Variants in FUT8 observed in about 807,000 individuals in gnomAD.
FUT8 encodes the protein alpha-(1,6)-fucosyltransferase.
A neutral mutation model predicts 71.3 loss-of-function variants in FUT8; 29 were observed. That is an observed-to-expected ratio of 0.41 (90% CI 0.30 to 0.55). The LOEUF is 0.55. Ranked by LOEUF, FUT8 falls within the 20% of genes least tolerant of loss-of-function variation. The pLI, the probability that FUT8 is intolerant of heterozygous loss-of-function variation, is 0.34. For synonymous variants in FUT8, 254 were observed against 239.3 expected, an observed-to-expected ratio of 1.06 and a Z score of -0.57; for missense variants, 544 against 702.1, an observed-to-expected ratio of 0.77 and a Z score of 2.55.
At chr14:65,709,817 A>G (rs1201086801) in intron 7 of FUT8, among the ~76,000 whole-genome samples, 1 of 152,152 alleles carries the variant, frequency 6.6e-6, no homozygotes, top group Non-Finnish European at 1.5e-5. Context: ...GACTTCTCTC[A>G]TGGTGTGGCC....
chr14:65,598,397 GT>G (rs1221316694), intron 3 of FUT8, among the ~76,000 whole-genome samples: 1 of 151,914 alleles, frequency 6.6e-6, no homozygotes, highest in Non-Finnish European at 1.5e-5. Flanking sequence ...TAAGTTTTGT[GT>G]TTTTAATAGA....
the FUT8 span, among the ~76,000 whole-genome samples, chr14:65,385,179 A>G: frequency 8.6e-5 from 13 of 152,004 alleles, no homozygotes; most frequent in Non-Finnish European, 1.3e-4. Flanking sequence ...GATTACAGGC[A>G]TGAGCCACCG....
chr14:65,524,364 GCTCT>G (rs1202663545), intron 2 of FUT8, among the ~76,000 whole-genome samples: 82 of 152,162 alleles, frequency 5.4e-4, no homozygotes, highest in Non-Finnish European at 1.3e-4. Flanking sequence ...CCATGATTTG[GCTCT>G]CTGTTTGTCT....
At chr14:65,716,038 G>T (rs1017703360) in intron 7 of FUT8, among the ~76,000 whole-genome samples, 1 of 151,612 alleles carries the variant, frequency 6.6e-6, no homozygotes, top group South Asian at 2.1e-4. Flanking sequence ...CTTGTTTTGT[G>T]ACCTAATTTA....
At chr14:65,388,393 C>A in the FUT8 span, among the ~76,000 whole-genome samples, 12 of 152,166 alleles carry the variant, frequency 7.9e-5, no homozygotes, top group Non-Finnish European at 1.5e-4. Flanking sequence ...TGTTGACTAT[C>A]TTAGTGGCAC....
At chr14:65,734,075 T>G (rs1896106429) in intron 10 of FUT8, among the ~76,000 whole-genome samples, 1 of 152,176 alleles carries the variant, frequency 6.6e-6, no homozygotes, top group Non-Finnish European at 1.5e-5. Context: ...ATTGGTTAGT[T>G]CATTCAACCA....
At chr14:65,692,283 C>T (rs1259664929) in intron 7 of FUT8, among the ~76,000 whole-genome samples, 9 of 150,510 alleles carry the variant, frequency 6.0e-5, no homozygotes, top group Non-Finnish European at 8.9e-5. Context: ...CAGAGGGGCT[C>T]CTCACTTCCC....
rs577513874 is a variant in FUT8 at position 65,643,792 on chromosome 14, T to C, written c.597+14186T>C. Among the ~76,000 whole-genome samples, 3 of 152,238 alleles carry C rather than the reference T, an allele frequency of 2.0e-5. No individual in the cohort carries two copies. Among genetic ancestry groups the C allele is most frequent in the South Asian group, 4.1e-4 (2 of 4,820 alleles). ...CAACACCCAGTAGAGGTTTTATCCT[T>C]TTAACTTTCTTGAATATACGTTGAA... is the stretch of plus-strand genomic sequence containing the variant. On this transcript the variant is annotated intron_variant, in intron 6 of 10. Transcript: ENST00000673929. The surrounding 1 kb of genome is among the most constrained non-coding windows in gnomAD (Gnocchi z 4.5).
chr14:65,601,435 A>G (rs1216727732), intron 3 of FUT8, among the ~76,000 whole-genome samples: 1 of 152,218 alleles, frequency 6.6e-6, no homozygotes, highest in East Asian at 1.9e-4. Flanking sequence ...TTTACTGAGT[A>G]TAACTCTACC....
chr14:65,507,777 C>G (rs894958658), intron 2 of FUT8, among the ~76,000 whole-genome samples: 1 of 152,158 alleles, frequency 6.6e-6, no homozygotes, highest in African/African-American at 2.4e-5. Flanking sequence ...GTGCAGATAT[C>G]TCTTTGATAC....
At chr14:65,730,395 C>T (rs552573497) in intron 9 of FUT8, among the ~76,000 whole-genome samples, 9 of 152,272 alleles carry the variant, frequency 5.9e-5, no homozygotes, top group Non-Finnish European at 1.0e-4. Context: ...TGAGTCCGAC[C>T]GGACGCAGTG....
chr14:65,558,717 T>C (rs1274963668), intron 2 of FUT8, among the ~76,000 whole-genome samples: 1 of 152,202 alleles, frequency 6.6e-6, no homozygotes, highest in Non-Finnish European at 1.5e-5. Context: ...AATTCTGTAC[T>C]TGTTCTTTTA....
chr14:65,640,933 C>T (rs1386774193), intron 6 of FUT8, among the ~76,000 whole-genome samples: 1 of 152,218 alleles, frequency 6.6e-6, no homozygotes, highest in East Asian at 1.9e-4. Flanking sequence ...AATATGAAGG[C>T]TTACTGATGA....
At chr14:65,548,726 G>A (rs1428821800) in intron 2 of FUT8, among the ~76,000 whole-genome samples, 1 of 151,834 alleles carries the variant, frequency 6.6e-6, no homozygotes, top group Admixed American at 6.6e-5. Flanking sequence ...TCAGTATATT[G>A]TATTATATTT....
chr14:65,618,476 C>G (rs1889425923), intron 5 of FUT8, among the ~76,000 whole-genome samples: 1 of 151,900 alleles, frequency 6.6e-6, no homozygotes, highest in Non-Finnish European at 1.5e-5. Context: ...CTGTCTTAAA[C>G]AGAAATGACA....
At chr14:65,422,884 C>G (rs940170416) in intron 1 of FUT8, among the ~76,000 whole-genome samples, 6 of 152,050 alleles carry the variant, frequency 3.9e-5, no homozygotes, top group Admixed American at 3.3e-4. Context: ...TCTTGAACTC[C>G]TGGCCTCAAA....
In FUT8 at chr14:65,568,580, A is replaced by C. The variant is rs116630497; in HGVS notation, c.203+6814A>C. The stretch of plus-strand genomic sequence containing the variant: ...TGTTACTTAATTTCCAAATTGGGCT[A>C]TTCTGTTTATCTTTCAGATTTTGAT... On this transcript the variant is annotated intron_variant, in intron 3 of 10. Transcript: ENST00000673929. 2.4e-3 allele frequency among the ~76,000 whole-genome samples: 369 copies of C among 151,376 alleles called. 2 individuals are homozygous for C. Among genetic ancestry groups the C allele is most frequent in the African/African-American group, 8.7e-3 (361 of 41,356 alleles).
At chr14:65,400,143 G>T in the FUT8 span, among the ~76,000 whole-genome samples, 27 of 152,296 alleles carry the variant, frequency 1.8e-4, no homozygotes, top group Admixed American at 1.6e-3. Context: ...GTTATCACAA[G>T]CATAAACTAT....
the FUT8 span, among the ~76,000 whole-genome samples, chr14:65,398,265 G>A: frequency 7.8e-4 from 119 of 152,236 alleles, 2 homozygotes; most frequent in East Asian, 0.021. Context: ...GGTTAGGTGA[G>A]CTTCCTGTCT....
Sources: allele counts gnomAD v4.1 joint callset (sites outside exome capture counted in the v4.1 genomes callset), GRCh38; gene constraint gnomAD v4.1.1; non-coding constraint Gnocchi (gnomAD v3.1); transcripts MANE v1.5; gene names NCBI Gene and HGNC (gene_info 2026-07-23, HGNC 2026-07-21).